NSG1: variants seen among roughly 807,000 people sequenced by gnomAD.
The protein encoded by NSG1 is neuronal vesicle trafficking associated 1.
A neutral mutation model predicts 19.3 loss-of-function variants in NSG1; 9 were observed. The observed-to-expected ratio is 0.47, with a 90% confidence interval of 0.28 to 0.81. The LOEUF is 0.81. Ranked by LOEUF, NSG1 falls within the 40% of genes least tolerant of loss-of-function variation. The probability of loss-of-function intolerance (pLI) is 0.11; values close to 1 mark genes in which losing one functional copy is unlikely to be tolerated. For missense variants in NSG1, 236 were observed against 242.4 expected, an observed-to-expected ratio of 0.97 and a Z score of 0.18; for synonymous variants, 104 against 107.0, an observed-to-expected ratio of 0.97 and a Z score of 0.17.
rs1373905817 is a variant in NSG1, at chr4:4,409,595, C to T, written c.269C>T (p.Ala90Val). ...CAGGTCTCCGTGTTGGTCCTCTTCG[C>T]CCTGGCCTTCCTCACCTGCGTCGTC... ...RFKVSVLVLF[A>V]LAFLTCVVFL... is the part of the protein sequence containing the mutation. The change falls in exon 4 of 5, where the codon GCC becomes GTC. Residue 90 changes from alanine (A) to valine (V), a missense_variant. By Grantham distance (64) the Ala-to-Val change is moderately conservative (BLOSUM62 0). Coordinates refer to ENST00000621129, the MANE Select transcript of NSG1 (RefSeq NM_014392.5). 2 of 1,614,132 alleles carry T rather than the reference C, an allele frequency of 1.2e-6. No individual in the cohort carries two copies. The highest frequency in any genetic ancestry group is 1.7e-6 in the Non-Finnish European group (2 of 1,180,004).
At chr4:4,403,125 G>C (rs945019169) in intron 3 of NSG1, among the ~76,000 whole-genome samples, 1 of 152,224 alleles carries the variant, frequency 6.6e-6, no homozygotes, top group African/African-American at 2.4e-5. Context: ...CGCTGAACGT[G>C]CAGGAGGCAT....
Position 4,409,588 on chromosome 4 carries a change from C to A in NSG1, c.262C>A (p.Leu88Ile). 6.2e-7 allele frequency: 1 copy of A among 1,614,100 alleles called. No homozygotes were observed. The highest frequency in any genetic ancestry group is 8.5e-7 in the Non-Finnish European group (1 of 1,179,992). ...CTGCCCACAGGTCTCCGTGTTGGTC[C>A]TCTTCGCCCTGGCCTTCCTCACCTG... ...TERFKVSVLV[L>I]FALAFLTCVV... The change falls in exon 4 of 5, where the codon CTC (leucine) becomes ATC (isoleucine). Residue 88 changes from leucine (L) to isoleucine (I), a missense_variant. Coordinates refer to ENST00000621129, the MANE Select transcript of NSG1 (RefSeq NM_014392.5).
intron 4 of NSG1, among the ~76,000 whole-genome samples, chr4:4,413,487 A>C (rs1724337222): frequency 6.6e-6 from 1 of 151,012 alleles, no homozygotes; most frequent in Non-Finnish European, 1.5e-5. Flanking sequence ...CTTTACAACA[A>C]GCAGAAGCGG....
intron 3 of NSG1, among the ~76,000 whole-genome samples, 188 bp downstream of exon 3, chr4:4,391,779 T>C (rs139917380): frequency 1.3e-5 from 2 of 152,372 alleles, no homozygotes; most frequent in Non-Finnish European, 2.9e-5. Flanking sequence ...ACATTTCTTT[T>C]TTCTTTTCCT....
chr4:4,412,171 G>A (rs543944184), intron 4 of NSG1, among the ~76,000 whole-genome samples: 2 of 152,288 alleles, frequency 1.3e-5, no homozygotes, highest in African/African-American at 4.8e-5. Flanking sequence ...CTGTTATGCC[G>A]CGTGTGGCTG....
intron 4 of NSG1, chr4:4,416,072 C>T (rs1724515694): frequency 2.8e-6 from 2 of 702,202 alleles, no homozygotes; most frequent in East Asian, 2.7e-5. Flanking sequence ...TGGGGCACAT[C>T]CTGGCTTCTT....
intron 3 of NSG1, among the ~76,000 whole-genome samples, chr4:4,397,024 C>T (rs888610783): frequency 4.6e-5 from 6 of 131,406 alleles, no homozygotes; most frequent in Admixed American, 2.5e-4. Context: ...TCAGATACCA[C>T]GTGGGTTCAG....
At chr4:4,400,271 G>A (rs1033096274) in intron 3 of NSG1, among the ~76,000 whole-genome samples, 1 of 152,258 alleles carries the variant, frequency 6.6e-6, no homozygotes, top group South Asian at 2.1e-4. Context: ...GTTGACCATG[G>A]ACTCATAGTT....
At chr4:4,415,718 GGCCGC>G in intron 4 of NSG1, 2 of 147,884 alleles carry the variant, frequency 1.4e-5, no homozygotes, top group South Asian at 1.9e-4. Flanking sequence ...CCCTGAGCGG[GGCCGC>G]CACTCCACAG....
chr4:4,393,014 C>T (rs574402522), intron 3 of NSG1, among the ~76,000 whole-genome samples: 54 of 152,198 alleles, frequency 3.5e-4, no homozygotes, highest in African/African-American at 1.1e-3. Context: ...GGGATTAGCG[C>T]GTGCCTTATC....
chr4:4,415,571 T>C (rs1724481855), intron 4 of NSG1, among the ~76,000 whole-genome samples: 1 of 152,016 alleles, frequency 6.6e-6, no homozygotes, highest in African/African-American at 2.4e-5. Context: ...CTCGCCACCA[T>C]GGGCACCAAG....
At chr4:4,403,647 G>A (rs116171778) in intron 3 of NSG1, among the ~76,000 whole-genome samples, 3 of 152,314 alleles carry the variant, frequency 2.0e-5, no homozygotes, top group Non-Finnish European at 4.4e-5. Flanking sequence ...ATTTCCGGGA[G>A]TAGGACCTGG....
At chr4:4,386,946 C>T (rs950683942), upstream of NSG1, 6 of 152,088 alleles carry the variant, frequency 3.9e-5, no homozygotes, top group African/African-American at 1.4e-4. Context: ...GCGGGCGCTG[C>T]GTCAAGGTGG....
intron 3 of NSG1, among the ~76,000 whole-genome samples, chr4:4,391,846 C>T (rs984010035): frequency 5.3e-5 from 8 of 152,330 alleles, no homozygotes; most frequent in Middle Eastern, 3.4e-3. Context: ...CACCCACAAA[C>T]TGTCTTTTAG....
At chr4:4,388,057 G>A (rs1338448139) in intron 2 of NSG1, among the ~76,000 whole-genome samples, 1 of 152,258 alleles carries the variant, frequency 6.6e-6, no homozygotes, top group Admixed American at 6.5e-5. Flanking sequence ...TGGCCCCGCA[G>A]CTGCCCTGCT....
intron 3 of NSG1, among the ~76,000 whole-genome samples, chr4:4,392,943 T>C (rs757265562): frequency 6.6e-6 from 1 of 152,108 alleles, no homozygotes; most frequent in South Asian, 2.1e-4. Context: ...TTTTTGAGGT[T>C]CTTGGCCAGG....
At chr4:4,396,428 C>G (rs1208111502) in intron 3 of NSG1, among the ~76,000 whole-genome samples, 1 of 152,222 alleles carries the variant, frequency 6.6e-6, no homozygotes. Context: ...GGTGGTCCAG[C>G]CTTGACCCTC....
intron 3 of NSG1, among the ~76,000 whole-genome samples, chr4:4,395,894 T>A (rs1723226389): frequency 6.6e-6 from 1 of 152,236 alleles, no homozygotes. Flanking sequence ...GATGGCATCC[T>A]TGAAACGGAG....
At chr4:4,389,888 T>G (rs556729785) in intron 2 of NSG1, among the ~76,000 whole-genome samples, 7 of 152,278 alleles carry the variant, frequency 4.6e-5, no homozygotes, top group Admixed American at 6.5e-5. Flanking sequence ...TTTTACAGGT[T>G]TAAATTCTTT....
Sources: gnomAD v4.1 joint callset for allele counts (sites outside exome capture counted in the v4.1 genomes callset) on GRCh38, gnomAD v4.1.1 for gene constraint, MANE v1.5 for transcripts, NCBI Gene and HGNC (gene_info 2026-07-23, HGNC 2026-07-21) for gene names.